Variants in RBCK1 observed in about 807,000 individuals in gnomAD.
RBCK1 encodes RANBP2-type and C3HC4-type zinc finger containing 1.
In RBCK1, 44 loss-of-function variants were observed where a neutral mutation model predicts 71.1. The observed-to-expected ratio is 0.62, with a 90% CI of 0.49 to 0.80. RBCK1 has a LOEUF of 0.80. RBCK1 is among the 30% of genes least tolerant of loss of function. The probability of loss-of-function intolerance (pLI) is 0.00; values close to 1 mark genes in which losing one functional copy is unlikely to be tolerated. For missense variants in RBCK1, 569 were observed against 685.0 expected (o/e 0.83, Z 1.89); for synonymous variants, 306 against 279.7 (o/e 1.09, Z -0.94).
intron 2 of RBCK1, among the ~76,000 whole-genome samples, chr20:416,017 C>T (rs1248195677): frequency 6.6e-6 from 1 of 152,196 alleles, no homozygotes; most frequent in Non-Finnish European, 1.5e-5. Context: ...CCAGGCCTCA[C>T]CTTCAACACT....
In RBCK1 at chr20:417,499, A is replaced by G. The variant is rs773426974; in HGVS notation, c.168-27A>G. The G allele has an allele frequency of 3.1e-6, 5 of 1,608,918 alleles. No individual in the cohort carries two copies. The highest frequency in any genetic ancestry group is 2.2e-5 in the South Asian group (2 of 90,952). Reference sequence around the variant, plus strand: ...GAGGCTGGACCCCTGGCCAGAGCCCATGCTGAGCCCCTGCTGTTCTCTGCA... The same window carrying G: ...GAGGCTGGACCCCTGGCCAGAGCCCGTGCTGAGCCCCTGCTGTTCTCTGCA... On this transcript the variant is annotated intron_variant, in intron 2 of 11. Coordinates refer to ENST00000356286, the MANE Select transcript of RBCK1 (RefSeq NM_031229.4). This position sits in a 1 kb window ranked among gnomAD's most constrained non-coding sequence, Gnocchi z 4.7.
At chr20:415,822 A>G (rs80337819) in intron 2 of RBCK1, among the ~76,000 whole-genome samples, 2,927 of 152,268 alleles carry the variant, frequency 0.019, 78 homozygotes, top group East Asian at 0.091. Context: ...GCCTCAGTGA[A>G]CTTTTACTGA....
At chr20:423,989 A>G (rs1232051583) in intron 8 of RBCK1, among the ~76,000 whole-genome samples, 1 of 152,168 alleles carries the variant, frequency 6.6e-6, no homozygotes, top group Admixed American at 6.6e-5. Flanking sequence ...GTGCATGTGT[A>G]CTTTCTAAGT....
rs2016979879 is a variant in RBCK1, at chr20:430,783, T to C, written c.*353T>C. 3.8e-6 allele frequency: 1 copy of C among 265,236 alleles called. No homozygotes were observed. Among genetic ancestry groups the C allele is most frequent in the Admixed American group, 5.0e-5 (1 of 19,898 alleles). 16.4% of individuals were successfully genotyped at this position (265,236 alleles called of 1,614,324 possible). ...AGCCTCCCCGCCTTCAGCTGTCAGC[T>C]TTCTGGGGCTAACTTCTCTGCCTTT... On this transcript the variant is annotated 3_prime_UTR_variant, in exon 12 of 12. Coordinates refer to ENST00000356286, the MANE Select transcript of RBCK1 (RefSeq NM_031229.4). The surrounding 1 kb of genome is among the most constrained non-coding windows in gnomAD (Gnocchi z 5.6).
intron 6 of RBCK1, chr20:420,123 C>T (rs1186524190): frequency 2.9e-5 from 29 of 985,072 alleles, no homozygotes; most frequent in Non-Finnish European, 3.5e-5. Flanking sequence ...CGTCTGTGAC[C>T]TAAGCCTGCT....
At position 428,663 on chromosome 20, in the gene RBCK1, TA is replaced by T; in HGVS notation, c.1308+76del. The T allele has an allele frequency of 1.4e-6, 2 of 1,461,702 alleles. No individual in the cohort carries two copies. The highest frequency in any genetic ancestry group is 1.8e-6 in the Non-Finnish European group (2 of 1,087,526). 90.5% of individuals were successfully genotyped at this position (1,461,702 alleles called of 1,614,324 possible). A position where few individuals can be genotyped will look rare whatever the true frequency, so the allele number is the denominator to read the frequency against. ...CAGGTGGGGGCTGGGGGCTTCCCAG[TA>T]AGGGCTGTGCTCACACATCCCTGGA... On this transcript the variant is annotated intron_variant, in intron 10 of 11. Coordinates refer to ENST00000356286, the MANE Select transcript of RBCK1 (RefSeq NM_031229.4). The surrounding 1 kb of genome is among the most constrained non-coding windows in gnomAD (Gnocchi z 5.7).
At chr20:419,943 C>A (rs968875357) in intron 6 of RBCK1, 1 of 985,160 alleles carries the variant, frequency 1.0e-6, no homozygotes, top group African/African-American at 1.7e-5. Context: ...AGACCCGCTC[C>A]CTGGCTGTGG....
Position 408,404 on chromosome 20 carries a change from C to A in RBCK1, c.-354C>A. On this transcript the variant is annotated 5_prime_UTR_variant, in exon 1 of 12. Coordinates refer to ENST00000356286, the MANE Select transcript of RBCK1 (RefSeq NM_031229.4). ...AAACCCGGGACGCCAGGGGCGCTCCCGCAAGTGGGGGTCCTCCGGGACTTG... is the reference window on the plus strand; with the variant it reads ...AAACCCGGGACGCCAGGGGCGCTCCAGCAAGTGGGGGTCCTCCGGGACTTG... The A allele has an allele frequency of 2.3e-6, 1 of 436,740 alleles. No individual in the cohort carries two copies. The highest frequency in any genetic ancestry group is 4.1e-6 in the Non-Finnish European group (1 of 243,680). The allele number at this position is 436,740 out of a possible 1,614,324, so 27.1% of individuals were successfully genotyped here.
intron 9 of RBCK1, among the ~76,000 whole-genome samples, chr20:427,919 T>C (rs756372544): frequency 6.6e-6 from 1 of 152,186 alleles, no homozygotes. Context: ...TGACTGAATC[T>C]GTGACAGACT....
Position 408,503 on chromosome 20 carries a change from T to TGCGCCCAGTGCGGACCTGTCTCG in RBCK1, c.-248_-226dup. Reference sequence around the variant, plus strand: ...CACCTCGGCTGGTCCCGTTTCCTCCTGCGCCCAGTGCGGACCTGTCTCGGC... The same window carrying TGCGCCCAGTGCGGACCTGTCTCG: ...CACCTCGGCTGGTCCCGTTTCCTCCTGCGCCCAGTGCGGACCTGTCTCGGCGCCCAGTGCGGACCTGTCTCGGC... On this transcript the variant is annotated 5_prime_UTR_variant, in exon 1 of 12. Coordinates refer to ENST00000356286, the MANE Select transcript of RBCK1 (RefSeq NM_031229.4). 1.8e-6 allele frequency: 1 copy of TGCGCCCAGTGCGGACCTGTCTCG among 565,542 alleles called. No individual in the cohort carries two copies. The highest frequency in any genetic ancestry group is 3.1e-6 in the Non-Finnish European group (1 of 319,666). The allele number at this position is 565,542 out of a possible 1,614,324, so 35.0% of individuals were successfully genotyped here.
chr20:416,581 ATC>A (rs2016005384), intron 2 of RBCK1, among the ~76,000 whole-genome samples: 1 of 152,034 alleles, frequency 6.6e-6, no homozygotes, highest in African/African-American at 2.4e-5. Flanking sequence ...ACCCTAAATG[ATC>A]TCTGTTTCCT....
chr20:409,693 T>G, intron 1 of RBCK1, 188 bp from the exon 2 acceptor site: 5 of 752,248 alleles, frequency 6.6e-6, no homozygotes, highest in Non-Finnish European at 1.1e-5. Context: ...TGAGGAGGAG[T>G]GGGGAATATT....
intron 6 of RBCK1, chr20:420,373 C>T: frequency 1.0e-6 from 1 of 984,852 alleles, no homozygotes; most frequent in Non-Finnish European, 1.2e-6. Flanking sequence ...GCCCCACCTG[C>T]ATTCCCCTTG....
intron 2 of RBCK1, among the ~76,000 whole-genome samples, chr20:415,360 C>A (rs138588115): frequency 4.4e-5 from 5 of 114,650 alleles, no homozygotes; most frequent in African/African-American, 7.1e-5. Context: ...AGAAGTGAGA[C>A]CCTGTCTCAA....
intron 2 of RBCK1, among the ~76,000 whole-genome samples, chr20:416,361 C>T (rs566673783): frequency 2.0e-5 from 3 of 151,950 alleles, no homozygotes; most frequent in South Asian, 2.1e-4. Flanking sequence ...GGGTTTTCAC[C>T]GTGTTAGCCA....
Position 413,994 on chromosome 20 carries a change from C to T in RBCK1, c.168-3532C>T, listed in dbSNP as rs2050437592. Among the ~76,000 whole-genome samples, 3 of 150,856 alleles carry T rather than the reference C, an allele frequency of 2.0e-5. No individual in the cohort carries two copies. In the South Asian group the frequency reaches 6.3e-4, roughly 31 times the overall value. ...AATACAGTAAAAATCCAGAAGGGCT[C>T]TGTGCTCTGATGCTTCAGGAGTGTG... On this transcript the variant is annotated intron_variant, in intron 2 of 11. Transcript: ENST00000356286.
At chr20:411,648 T>A (rs905638224) in intron 2 of RBCK1, among the ~76,000 whole-genome samples, 12 of 152,182 alleles carry the variant, frequency 7.9e-5, no homozygotes, top group African/African-American at 2.9e-4. Flanking sequence ...ACTACAGGCG[T>A]GAGCCACCAC....
At chr20:410,299 G>C (rs1436731921) in intron 2 of RBCK1, 1 of 674,790 alleles carries the variant, frequency 1.5e-6, no homozygotes, top group African/African-American at 1.8e-5. Flanking sequence ...GAAGAAAACG[G>C]AACAGTGACG....
chr20:410,500 C>G (rs2015640117), intron 2 of RBCK1: 2 of 779,706 alleles, frequency 2.6e-6, no homozygotes, highest in African/African-American at 3.4e-5. Context: ...CCACACTCTT[C>G]TAAAGAGCAT....
Sources: gnomAD v4.1 joint callset for allele counts (sites outside exome capture counted in the v4.1 genomes callset) on GRCh38, gnomAD v4.1.1 for gene constraint, Gnocchi (gnomAD v3.1) non-coding constraint, MANE v1.5 for transcripts, NCBI Gene and HGNC (gene_info 2026-07-23, HGNC 2026-07-21) for gene names.